DUOX2: variants seen among roughly 807,000 people sequenced by gnomAD.
DUOX2 encodes dual oxidase 2.
A neutral mutation model predicts 183.3 loss-of-function variants in DUOX2; 185 were observed. The observed-to-expected ratio is 1.01, with a 90% confidence interval of 0.90 to 1.14. DUOX2 has a LOEUF of 1.14. Among genes scored for constraint, DUOX2 ranks in the 50% most tolerant of loss-of-function variants. The probability of loss-of-function intolerance (pLI) is 0.00; values close to 1 mark genes in which losing one functional copy is unlikely to be tolerated. For synonymous variants in DUOX2, 788 were observed against 812.4 expected, an observed-to-expected ratio of 0.97 and a Z score of 0.51; for missense variants, 1,999 against 2,022.9, an observed-to-expected ratio of 0.99 and a Z score of 0.23.
chr15:45,107,400 A>G lies in DUOX2; in HGVS notation c.1638T>C (p.Ala546=). The G allele has an allele frequency of 6.2e-7, 1 of 1,614,252 alleles. No individual in the cohort carries two copies. Among genetic ancestry groups the G allele is most frequent in the Non-Finnish European group, 8.5e-7 (1 of 1,180,048 alleles). ...RNTTLRDVLV[A]VINIDPSALQ... Reference sequence around the variant, plus strand: ...GGGCACTGGGGTCAATGTTGATAACAGCGACCAGCACGTCCCGCAGGGTGG... The same window carrying G: ...GGGCACTGGGGTCAATGTTGATAACGGCGACCAGCACGTCCCGCAGGGTGG... The change falls in exon 14 of 34, where the codon GCT becomes GCC. Residue 546 remains alanine, a synonymous_variant. Coordinates refer to ENST00000389039, the MANE Select transcript of DUOX2 (RefSeq NM_001363711.2).
rs112584857 is a variant in DUOX2 at position 45,112,687 on chromosome 15, A to G, written c.192T>C (p.Asn64=). The G allele has an allele frequency of 3.5e-5, 56 of 1,612,548 alleles. 1 individual carries two copies. The African/African-American group carries it at 5.1e-4, about 15-fold the overall frequency. ...GAGCCTGATACACACCGTCGGCGTAATTGGCTGGTACGCGGCGCTGCAACC... is the reference window on the plus strand; with the variant it reads ...GAGCCTGATACACACCGTCGGCGTAGTTGGCTGGTACGCGGCGCTGCAACC... The part of the protein sequence containing the change: ...GCRLQRRVPA[N]YADGVYQALE... Residue 64 remains asparagine, a synonymous_variant, in exon 4 of 34, where the codon AAT becomes AAC. Coordinates refer to ENST00000389039, the MANE Select transcript of DUOX2 (RefSeq NM_001363711.2).
In DUOX2 at chr15:45,111,843, C is replaced by T; in HGVS notation, c.438G>A (p.Gly146=). The T allele has an allele frequency of 1.9e-6, 3 of 1,613,458 alleles. No homozygotes were observed. Among genetic ancestry groups the T allele is most frequent in the Non-Finnish European group, 2.5e-6 (3 of 1,179,940 alleles). The change falls in exon 5 of 34, where the codon GGG becomes GGA. Residue 146 remains glycine (G), a synonymous_variant. Transcript: ENST00000389039. ...GDPVFDPDQR[G]DVVLPFQRSR... is the part of the protein sequence containing the mutation. ...TCCTCTGGAAGGGCAGCACCACGTC[C>T]CCGCGCTGGTCGGGGTCGAACACGG...
chr15:45,094,622 G>A lies in DUOX2; in HGVS notation c.4465C>T (p.His1489Tyr). 6 of 1,614,106 alleles carry A rather than the reference G, an allele frequency of 3.7e-6. No individual in the cohort carries two copies. The highest frequency in any genetic ancestry group is 1.7e-5 in the Admixed American group (1 of 60,012). The change falls in exon 33 of 34, where the codon CAC (histidine) becomes TAC (tyrosine). Residue 1489 changes from histidine to tyrosine, a missense_variant. Transcript: ENST00000389039. ...GGCTCGAAGGGGGGACGGCCAAAGTGGGTGATGGAGCGCAGGCCCGTGAAC... is the reference window on the plus strand; with the variant it reads ...GGCTCGAAGGGGGGACGGCCAAAGTAGGTGATGGAGCGCAGGCCCGTGAAC... ...SLFTGLRSITHFGRPPFEPFF... is the reference protein window; with the variant it reads ...SLFTGLRSITYFGRPPFEPFF...
Position 45,095,520 on chromosome 15 carries a change from C to A in DUOX2, c.4156G>T (p.Gly1386Cys). 6.2e-7 allele frequency: 1 copy of A among 1,614,182 alleles called. No individual in the cohort carries two copies. The highest frequency in any genetic ancestry group is 8.5e-7 in the Non-Finnish European group (1 of 1,180,034). The change falls in exon 31 of 34, where the codon GGC becomes TGC. Residue 1386 changes from glycine (G) to cysteine (C), a missense_variant. By Grantham distance (159) the Gly-to-Cys change is radical. Coordinates refer to ENST00000389039, the MANE Select transcript of DUOX2 (RefSeq NM_001363711.2). ...GAGGCAAAGGGGGTGACCCCAATGCCCCCTCCCACCAACACTGACACCTCA... is the reference window on the plus strand; with the variant it reads ...GAGGCAAAGGGGGTGACCCCAATGCACCCTCCCACCAACACTGACACCTCA... ...KFEVSVLVGG[G>C]IGVTPFASIL...
chr15:45,111,378 C>G lies in DUOX2; in HGVS notation c.715+6G>C. 6.9e-7 allele frequency: 1 copy of G among 1,439,030 alleles called. No individual in the cohort carries two copies. Among genetic ancestry groups the G allele is most frequent in the Non-Finnish European group, 9.1e-7 (1 of 1,099,354 alleles). 89.1% of individuals were successfully genotyped at this position (1,439,030 alleles called of 1,614,324 possible). A position where few individuals can be genotyped will look rare whatever the true frequency, so the allele number is the denominator to read the frequency against. ...AGCCGGCCCCGTCCCGCCCCTGTGG[C>G]CTCACCGTACAGCCCCCGGGGCCCG... On this transcript the variant is annotated splice_donor_region_variant and intron_variant, in intron 6 of 33. Coordinates refer to ENST00000389039, the MANE Select transcript of DUOX2 (RefSeq NM_001363711.2).
At position 45,107,201 on chromosome 15, in the gene DUOX2, G is replaced by A. The variant is rs1566976087; in HGVS notation, c.1693+144C>T. On this transcript the variant is annotated intron_variant, in intron 14 of 33. Transcript: ENST00000389039. ...TTGTGTGCTAGTTGAGGTCCCTGCT[G>A]TGGGAGCCAGCCAAATGCAGGCCTC... is the stretch of plus-strand genomic sequence containing the variant. 9 of 1,245,598 alleles carry A rather than the reference G, an allele frequency of 7.2e-6. No individual in the cohort carries two copies. In the South Asian group the frequency reaches 7.2e-5, roughly 10 times the overall value. 77.2% of individuals were successfully genotyped at this position (1,245,598 alleles called of 1,614,324 possible).
At chr15:45,105,581 C>G in intron 18 of DUOX2, 62 bp downstream of exon 18, 1 of 1,603,168 alleles carries the variant, frequency 6.2e-7, no homozygotes. Context: ...GCGTTCTATG[C>G]AGCCCAGGTT....
chr15:45,111,602 G>C lies in DUOX2; in HGVS notation c.514-17C>G. ...CTGGTTGGCCTGCGGGGCACGCGGC[G>C]GGTGAGCCCGGGTCGAGAGGCGGCG... is the stretch of plus-strand genomic sequence containing the variant. On this transcript the variant is annotated splice_polypyrimidine_tract_variant and intron_variant, in intron 5 of 33. Coordinates refer to ENST00000389039, the MANE Select transcript of DUOX2 (RefSeq NM_001363711.2). The C allele has an allele frequency of 1.3e-6, 2 of 1,518,624 alleles. No homozygotes were observed. The highest frequency in any genetic ancestry group is 1.8e-6 in the Non-Finnish European group (2 of 1,139,808). The allele number at this position is 1,518,624 out of a possible 1,614,324, so 94.1% of individuals were successfully genotyped here.
intron 20 of DUOX2, among the ~76,000 whole-genome samples, 196 bp from the exon 21 acceptor site, chr15:45,102,185 T>G (rs1167113629): frequency 6.6e-6 from 1 of 152,152 alleles, no homozygotes; most frequent in Non-Finnish European, 1.5e-5. Context: ...CAGAACAGAA[T>G]TGAAAGTGAC....
intron 29 of DUOX2, among the ~76,000 whole-genome samples, chr15:45,096,425 C>A (rs1893903426): frequency 6.6e-6 from 1 of 152,192 alleles, no homozygotes; most frequent in Non-Finnish European, 1.5e-5. Flanking sequence ...TTTCTACACA[C>A]CTCCTGCACT....
In DUOX2 at chr15:45,094,140, G is replaced by A. The variant is rs1307582853; in HGVS notation, c.*10C>T. 1.9e-6 allele frequency: 3 copies of A among 1,614,190 alleles called. No homozygotes were observed. The highest frequency in any genetic ancestry group is 2.5e-6 in the Non-Finnish European group (3 of 1,180,032). On this transcript the variant is annotated 3_prime_UTR_variant, in exon 34 of 34. Coordinates refer to ENST00000389039, the MANE Select transcript of DUOX2 (RefSeq NM_001363711.2). ...CAGGATACTGGAAGCAGCAGCCAGG[G>A]AGGACAGGCTCAGAAGTTCTCATAG...
chr15:45,109,114 C>T (rs746925167), intron 11 of DUOX2, 162 bp from the exon 12 acceptor site: 6 of 901,720 alleles, frequency 6.7e-6, no homozygotes, highest in Non-Finnish European at 1.0e-5. Context: ...GCTGCAAGGC[C>T]AATGTCACCA....
intron 2 of DUOX2, 118 bp from the exon 3 acceptor site, chr15:45,113,194 TCGGG>T (rs1894497543): frequency 6.9e-7 from 1 of 1,445,560 alleles, no homozygotes; most frequent in Non-Finnish European, 9.5e-7. Flanking sequence ...GACCCAAGTG[TCGGG>T]CCGCACTGGG....
In DUOX2 at chr15:45,110,723, G is replaced by A; in HGVS notation, c.883-13C>T. ...ACACAGCGATGTTCTGAGGGGCAGA[G>A]AGGGGCGAGGGGAGGCACAAGTTGG... On this transcript the variant is annotated splice_polypyrimidine_tract_variant and intron_variant, in intron 7 of 33. Transcript: ENST00000389039. The A allele has an allele frequency of 6.2e-7, 1 of 1,612,116 alleles. No homozygotes were observed. The highest frequency in any genetic ancestry group is 8.5e-7 in the Non-Finnish European group (1 of 1,179,876).
chr15:45,109,705 A>G (rs1340684044), intron 10 of DUOX2, 79 bp from the exon 11 acceptor site: 1 of 1,475,284 alleles, frequency 6.8e-7, no homozygotes, highest in African/African-American at 1.4e-5. Context: ...TTAGTACCCC[A>G]GGACAAAGGG....
chr15:45,110,281 A>G lies in DUOX2; in HGVS notation c.1040+147T>C, dbSNP rs113324656. 3,126 of 753,852 alleles carry G rather than the reference A, an allele frequency of 4.1e-3. 68 individuals carry two copies. The African/African-American group carries it at 0.05, about 12-fold the overall frequency. 46.7% of individuals were successfully genotyped at this position (753,852 alleles called of 1,614,324 possible). A position where few individuals can be genotyped will look rare whatever the true frequency, so the allele number is the denominator to read the frequency against. On this transcript the variant is annotated intron_variant, in intron 9 of 33. Coordinates refer to ENST00000389039, the MANE Select transcript of DUOX2 (RefSeq NM_001363711.2). ...TTTCCCTACTAAGCCTACACATCTT[A>G]CCCCAGGGTTCTGTTTCAGGGCCCC...
chr15:45,107,525 AG>A (rs1375120304), intron 13 of DUOX2, 62 bp from the exon 14 acceptor site: 1 of 1,545,850 alleles, frequency 6.5e-7, no homozygotes, highest in African/African-American at 1.4e-5. Context: ...CAGCAACCCC[AG>A]GCCCAAGGAC....
intron 13 of DUOX2, among the ~76,000 whole-genome samples, 197 bp downstream of exon 13, chr15:45,107,850 C>CAAAAAAAAAAA (rs36025213): frequency 2.0e-5 from 1 of 48,842 alleles, no homozygotes; most frequent in Non-Finnish European, 3.6e-5. Flanking sequence ...GACTCTGCCT[C>CAAAAAAAAAAA]AAAAAAAAAA....
intron 26 of DUOX2, chr15:45,099,127 C>T (rs1893985406): frequency 2.5e-6 from 1 of 395,850 alleles, no homozygotes; most frequent in Non-Finnish European, 4.8e-6. Context: ...TCTCCTGCCT[C>T]AGCCTCCCGA....
Sources: allele counts gnomAD v4.1 joint callset (sites outside exome capture counted in the v4.1 genomes callset), GRCh38; gene constraint gnomAD v4.1.1; transcripts MANE v1.5; gene names NCBI Gene and HGNC (gene_info 2026-07-23, HGNC 2026-07-21).